Variants in MEF2A observed in about 807,000 individuals in gnomAD.
MEF2A encodes the protein myocyte-specific enhancer factor 2A.
MEF2A carries 28 observed loss-of-function variants against 55.8 expected under a neutral mutation model. That is an observed-to-expected ratio of 0.50 (90% CI 0.37 to 0.69). MEF2A has a LOEUF of 0.69. Ranked by LOEUF, MEF2A falls within the 30% of genes least tolerant of loss-of-function variation. The pLI is 0.00. For missense variants in MEF2A, 528 were observed against 626.2 expected, an observed-to-expected ratio of 0.84 and a Z score of 1.67; for synonymous variants, 239 against 227.1, an observed-to-expected ratio of 1.05 and a Z score of -0.47.
intron 4 of MEF2A, among the ~76,000 whole-genome samples, chr15:99,670,930 T>G (rs1196029008): frequency 6.6e-6 from 1 of 152,244 alleles, no homozygotes; most frequent in African/African-American, 2.4e-5. Flanking sequence ...GTTCAATTTA[T>G]AAAGGTACGA....
intron 2 of MEF2A, among the ~76,000 whole-genome samples, chr15:99,615,196 CTTAAG>C (rs1024162696): frequency 6.6e-6 from 1 of 152,096 alleles, no homozygotes; most frequent in African/African-American, 2.4e-5. Context: ...TGTAGGGTAT[CTTAAG>C]TTGAGTAGTT....
chr15:99,671,183 C>T, intron 4 of MEF2A, 140 bp from the exon 5 acceptor site: 4 of 756,546 alleles, frequency 5.3e-6, no homozygotes, highest in Non-Finnish European at 8.4e-6. Context: ...GAAGTAAGTA[C>T]ATTTGTGATC....
chr15:99,685,214 C>T (rs1360735830), intron 7 of MEF2A, among the ~76,000 whole-genome samples: 1 of 151,924 alleles, frequency 6.6e-6, no homozygotes, highest in Non-Finnish European at 1.5e-5. Context: ...ATTTTTTTCC[C>T]CCCTAGTTCT....
At chr15:99,605,919 G>A (rs1321927040) in intron 2 of MEF2A, among the ~76,000 whole-genome samples, 1 of 152,166 alleles carries the variant, frequency 6.6e-6, no homozygotes, top group Non-Finnish European at 1.5e-5. Context: ...GCAGTGAGCC[G>A]AGATCATGCC....
chr15:99,682,636 C>T (rs1426243093), intron 7 of MEF2A, among the ~76,000 whole-genome samples: 1 of 152,206 alleles, frequency 6.6e-6, no homozygotes, highest in African/African-American at 2.4e-5. Flanking sequence ...CAAACACTTA[C>T]ATCATCCTTT....
intron 4 of MEF2A, among the ~76,000 whole-genome samples, chr15:99,646,065 T>A (rs2045916815): frequency 6.6e-6 from 1 of 152,134 alleles, no homozygotes; most frequent in Non-Finnish European, 1.5e-5. Context: ...TAAGAGACTA[T>A]CATTTTTGGA....
At position 99,712,337 on chromosome 15, in the gene MEF2A, GT is replaced by G; in HGVS notation, c.1137-49del. On this transcript the variant is annotated intron_variant, in intron 11 of 11. Transcript: ENST00000557942. The surrounding 1 kb of genome is among the most constrained non-coding windows in gnomAD (Gnocchi z 4.1). ...GCAGTGTCTCTACTGTATCATCCCA[GT>G]TTTGCAGAGGTACTTGCAAGCCATC... The G allele has an allele frequency of 1.4e-6, 2 of 1,480,272 alleles. No individual in the cohort carries two copies. Among genetic ancestry groups the G allele is most frequent in the South Asian group, 2.7e-5 (2 of 73,084 alleles). 91.7% of individuals were successfully genotyped at this position (1,480,272 alleles called of 1,614,324 possible).
At chr15:99,632,336 G>A (rs186493523) in intron 2 of MEF2A, among the ~76,000 whole-genome samples, 14 of 152,328 alleles carry the variant, frequency 9.2e-5, no homozygotes, top group Admixed American at 8.5e-4. Flanking sequence ...ATATTTTTAC[G>A]AAAGTATATA....
rs1010088917 is a variant in MEF2A, at chr15:99,670,286, A to C, written c.259-1037A>C. 2.0e-5 allele frequency among the ~76,000 whole-genome samples: 3 copies of C among 152,294 alleles called. No homozygotes were observed. The South Asian group carries it at 6.2e-4, about 32-fold the overall frequency. ...AAGAAAAAAAAAGTCAGTATAATCC[A>C]GGAGATATTTTAATGGCACTCAAGA... On this transcript the variant is annotated intron_variant, in intron 4 of 11. Coordinates refer to ENST00000557942, the MANE Select transcript of MEF2A (RefSeq NM_001319206.4).
intron 7 of MEF2A, 22 bp downstream of exon 7, chr15:99,675,480 T>C: frequency 1.2e-6 from 2 of 1,600,440 alleles, no homozygotes; most frequent in Non-Finnish European, 1.7e-6. Context: ...CCTACTCTTC[T>C]GTTTTGTAGG....
At chr15:99,604,689 T>C (rs1054227336) in intron 2 of MEF2A, among the ~76,000 whole-genome samples, 2 of 151,960 alleles carry the variant, frequency 1.3e-5, no homozygotes, top group Non-Finnish European at 2.9e-5. Flanking sequence ...TGGTTTGACA[T>C]TGTTGGGCTT....
At chr15:99,698,533 C>T (rs770686753) in intron 8 of MEF2A, among the ~76,000 whole-genome samples, 3 of 152,154 alleles carry the variant, frequency 2.0e-5, no homozygotes, top group African/African-American at 4.8e-5. Context: ...TGGCTCACAC[C>T]TGTAATCCCA....
At position 99,716,367 on chromosome 15, in the gene MEF2A, T is replaced by C. The variant is rs764231852; in HGVS notation, c.*3596T>C. 55 of 361,406 alleles carry C rather than the reference T, an allele frequency of 1.5e-4. No homozygotes were observed. Among genetic ancestry groups the C allele is most frequent in the Non-Finnish European group, 2.5e-4 (45 of 180,138 alleles). 22.4% of individuals were successfully genotyped at this position (361,406 alleles called of 1,614,324 possible). On this transcript the variant is annotated 3_prime_UTR_variant, in exon 12 of 12. Coordinates refer to ENST00000557942, the MANE Select transcript of MEF2A (RefSeq NM_001319206.4). ...TTTTTCCCTGAATGTGTTGTTTTTC[T>C]TCATTATACAATAAATATAATAGTG...
chr15:99,659,456 G>A (rs1015166229), intron 4 of MEF2A, among the ~76,000 whole-genome samples: 1 of 152,132 alleles, frequency 6.6e-6, no homozygotes, highest in Non-Finnish European at 1.5e-5. Flanking sequence ...TATGAAGACA[G>A]TGCCTACAAC....
intron 3 of MEF2A, among the ~76,000 whole-genome samples, chr15:99,635,276 G>A (rs2043590569): frequency 1.3e-5 from 2 of 152,266 alleles, no homozygotes; most frequent in Middle Eastern, 3.4e-3. Context: ...TGAATTACAG[G>A]TGTGAACTAG....
intron 7 of MEF2A, among the ~76,000 whole-genome samples, chr15:99,676,056 T>C (rs1315298851): frequency 6.6e-6 from 1 of 150,886 alleles, no homozygotes; most frequent in Non-Finnish European, 1.5e-5. Flanking sequence ...AAAAAAATTA[T>C]GGAGATGATT....
chr15:99,651,295 C>G (rs1269765749), intron 4 of MEF2A, among the ~76,000 whole-genome samples: 1 of 152,148 alleles, frequency 6.6e-6, no homozygotes. Flanking sequence ...CTCCTGAGAT[C>G]ATCTAGTGCT....
At chr15:99,664,055 A>G (rs982363057) in intron 4 of MEF2A, among the ~76,000 whole-genome samples, 1 of 152,212 alleles carries the variant, frequency 6.6e-6, no homozygotes, top group African/African-American at 2.4e-5. Flanking sequence ...CATTGTTTCA[A>G]TCAGTTATCT....
chr15:99,621,210 C>G (rs1207234755), intron 2 of MEF2A: 2 of 152,188 alleles, frequency 1.3e-5, no homozygotes, highest in African/African-American at 4.8e-5. Context: ...TTCCTACCCA[C>G]AACAATACAT....
Sources: gnomAD v4.1 joint callset for allele counts (sites outside exome capture counted in the v4.1 genomes callset) on GRCh38, gnomAD v4.1.1 for gene constraint, Gnocchi (gnomAD v3.1) non-coding constraint, MANE v1.5 for transcripts, NCBI Gene and HGNC (gene_info 2026-07-23, HGNC 2026-07-21) for gene names.